The following ERC2 variants were observed in gnomAD, a reference collection of about 807,000 sequenced individuals.
ERC2 encodes ERC protein 2.
ERC2 carries 42 observed loss-of-function variants against 114.8 expected under a neutral mutation model. The ratio of observed to expected loss-of-function variants is 0.37; its 90% CI spans 0.29 to 0.47. ERC2 has a LOEUF of 0.47. Among genes scored for constraint, ERC2 ranks in the 20% least tolerant of loss-of-function variants. ERC2 has a pLI of 0.99. For missense variants in ERC2, 939 were observed against 1,150.7 expected (o/e 0.82, Z 2.66); for synonymous variants, 454 against 425.5 (o/e 1.07, Z -0.82).
Position 55,554,230 on chromosome 3 carries a change from A to T in ERC2, c.*40-42954T>A, listed in dbSNP as rs569039145. ...CCCTTTCCTGGGCCCCAGTTGTTCC[A>T]TCTGTAAAGTGAGACTCATAGACTG... On this transcript the variant is annotated intron_variant, in intron 17 of 17. Coordinates refer to ENST00000288221, the MANE Select transcript of ERC2 (RefSeq NM_015576.3). Among the ~76,000 whole-genome samples the T allele has an allele frequency of 1.1e-3, 160 of 152,262 alleles. 1 individual carries two copies. The highest frequency in any genetic ancestry group is 3.5e-3 in the Admixed American group (53 of 15,298).
chr3:56,282,547 A>G (rs1576255346), intron 3 of ERC2, among the ~76,000 whole-genome samples: 1 of 152,288 alleles, frequency 6.6e-6, no homozygotes, highest in African/African-American at 2.4e-5. Flanking sequence ...GTCTCAGGCA[A>G]GTTACTTAAC....
chr3:55,523,321 T>A (rs1575463978), intron 17 of ERC2, among the ~76,000 whole-genome samples: 1 of 152,212 alleles, frequency 6.6e-6, no homozygotes, highest in East Asian at 1.9e-4. Context: ...ATGTATGAAA[T>A]TCCTGATCCG....
intron 4 of ERC2, among the ~76,000 whole-genome samples, chr3:56,163,181 G>T (rs183740556): frequency 9.2e-5 from 14 of 152,198 alleles, no homozygotes; most frequent in Non-Finnish European, 7.4e-5. Context: ...GCTTTTGAGA[G>T]ATCTTCTTGG....
intron 3 of ERC2, among the ~76,000 whole-genome samples, chr3:56,193,522 C>A (rs951356301): frequency 7.9e-5 from 12 of 151,302 alleles, no homozygotes; most frequent in African/African-American, 2.9e-4. Context: ...AAAAAAAAAT[C>A]AAAATGTTAC....
chr3:55,775,326 GTT>G (rs1212560285), intron 14 of ERC2, among the ~76,000 whole-genome samples: 2 of 152,078 alleles, frequency 1.3e-5, no homozygotes, highest in African/African-American at 2.4e-5. Context: ...GAGGTCAGGA[GTT>G]TGAGGCCAGC....
chr3:56,357,614 T>A (rs767947005), intron 2 of ERC2, among the ~76,000 whole-genome samples: 107 of 151,886 alleles, frequency 7.0e-4, no homozygotes, highest in Non-Finnish European at 8.5e-4. Context: ...GCTTCTGACG[T>A]GGGTCTCACA....
chr3:55,814,333 C>T (rs2059830607), intron 14 of ERC2, among the ~76,000 whole-genome samples: 1 of 152,188 alleles, frequency 6.6e-6, no homozygotes, highest in African/African-American at 2.4e-5. Flanking sequence ...TGGTAATATA[C>T]TCATTTTGCA....
At chr3:56,052,288 T>G (rs538771388) in intron 7 of ERC2, among the ~76,000 whole-genome samples, 1 of 152,208 alleles carries the variant, frequency 6.6e-6, no homozygotes, top group African/African-American at 2.4e-5. Flanking sequence ...ATGGATTCTG[T>G]CCTGGATTCT....
intron 8 of ERC2, among the ~76,000 whole-genome samples, chr3:56,013,487 A>C (rs1383934889): frequency 6.6e-6 from 1 of 152,184 alleles, no homozygotes; most frequent in African/African-American, 2.4e-5. Context: ...CCTGTGAGCT[A>C]CTGGCCTTGG....
At chr3:56,218,897 C>A (rs945972251) in intron 3 of ERC2, among the ~76,000 whole-genome samples, 7 of 152,028 alleles carry the variant, frequency 4.6e-5, no homozygotes, top group East Asian at 1.9e-4. Context: ...GGACAAAAAA[C>A]CAAACGCCGC....
At chr3:56,389,851 T>C (rs1259204271) in intron 2 of ERC2, among the ~76,000 whole-genome samples, 1 of 152,154 alleles carries the variant, frequency 6.6e-6, no homozygotes, top group Non-Finnish European at 1.5e-5. Context: ...TGCCCTGCCT[T>C]TAACTAGGAA....
intron 3 of ERC2, among the ~76,000 whole-genome samples, chr3:56,184,256 T>C (rs1474183897): frequency 6.6e-6 from 1 of 152,122 alleles, no homozygotes; most frequent in African/African-American, 2.4e-5. Context: ...AGCAATGTCA[T>C]AGGGAGAAAC....
At chr3:56,222,301 C>G (rs887453251) in intron 3 of ERC2, among the ~76,000 whole-genome samples, 1 of 152,082 alleles carries the variant, frequency 6.6e-6, no homozygotes, top group African/African-American at 2.4e-5. Context: ...CAGCTTGAAC[C>G]CAGGTTCTCT....
chr3:55,836,802 T>C (rs1205144516), intron 14 of ERC2, among the ~76,000 whole-genome samples: 2 of 152,096 alleles, frequency 1.3e-5, no homozygotes, highest in East Asian at 3.9e-4. Context: ...GAAACTACGA[T>C]GAGAGTGAAC....
chr3:55,635,324 T>A (rs1399144944), intron 17 of ERC2, among the ~76,000 whole-genome samples: 2 of 152,216 alleles, frequency 1.3e-5, no homozygotes, highest in Admixed American at 6.5e-5. Flanking sequence ...TCCTGTCATT[T>A]TAATGTTTAT....
chr3:55,551,015 C>CAA (rs368001324), intron 17 of ERC2, among the ~76,000 whole-genome samples: 4 of 76,674 alleles, frequency 5.2e-5, no homozygotes, highest in Non-Finnish European at 7.8e-5. Flanking sequence ...GACTCCGTCT[C>CAA]AAAAAAAAAA....
At chr3:55,633,983 C>G (rs1380078626) in intron 17 of ERC2, among the ~76,000 whole-genome samples, 1 of 152,132 alleles carries the variant, frequency 6.6e-6, no homozygotes, top group East Asian at 1.9e-4. Context: ...CATTTGTGTT[C>G]CAAGATCAGG....
In ERC2 at chr3:55,522,180, G is replaced by A. The variant is rs539906615; in HGVS notation, c.*40-10904C>T. Among the ~76,000 whole-genome samples, 15 of 152,284 alleles carry A rather than the reference G, an allele frequency of 9.9e-5. No individual in the cohort carries two copies. In the South Asian group the frequency reaches 3.1e-3, roughly 32 times the overall value. ...ATTCAGAGTTTCCCCGCAACAAAAG[G>A]AAATAGTCTTCTCTGGGGGGAGGGG... On this transcript the variant is annotated intron_variant, in intron 17 of 17. Transcript: ENST00000288221.
chr3:56,262,885 T>C (rs1333182132), intron 3 of ERC2, among the ~76,000 whole-genome samples: 3 of 152,188 alleles, frequency 2.0e-5, no homozygotes, highest in Non-Finnish European at 2.9e-5. Context: ...TGTAACAATT[T>C]AACATTCCAA....
Sources: gnomAD v4.1 joint callset for allele counts (sites outside exome capture counted in the v4.1 genomes callset) on GRCh38, gnomAD v4.1.1 for gene constraint, MANE v1.5 for transcripts, NCBI Gene and HGNC (gene_info 2026-07-23, HGNC 2026-07-21) for gene names.